TNPO3: variants seen among roughly 807,000 people sequenced by gnomAD.
TNPO3 encodes the protein transportin-3.
Under a neutral mutation model 122.8 loss-of-function variants are expected in TNPO3, and 65 were observed. That is an observed-to-expected ratio of 0.53 (90% CI 0.43 to 0.65). TNPO3 has a LOEUF of 0.65. Among genes scored for constraint, TNPO3 ranks in the 30% least tolerant of loss-of-function variants. The pLI, the probability that TNPO3 is intolerant of heterozygous loss-of-function variation, is 0.00. For synonymous variants in TNPO3, 372 were observed against 411.2 expected (o/e 0.90, Z 1.15); for missense variants, 850 against 1,136.7 (o/e 0.75, Z 3.63).
rs1804045636 is a variant in TNPO3, at chr7:129,018,059, G to A, written c.219C>T (p.Thr73=). The change falls in exon 2 of 23, where the codon ACC becomes ACT. Residue 73 remains threonine (T), a synonymous_variant. Coordinates refer to ENST00000265388, the MANE Select transcript of TNPO3 (RefSeq NM_012470.4). ...AGTCTGTGGGGAGCTCATAAAATGA[G>A]GTCTGAATCTTCATTTTCATGGTCT... ...AAQTMKMKIQ[T]SFYELPTDSH... The A allele has an allele frequency of 1.2e-6, 2 of 1,613,970 alleles. No homozygotes were observed. Among genetic ancestry groups the A allele is most frequent in the Non-Finnish European group, 1.7e-6 (2 of 1,179,988 alleles).
chr7:128,983,913 T>C (rs1799890208), intron 13 of TNPO3, among the ~76,000 whole-genome samples: 1 of 152,248 alleles, frequency 6.6e-6, no homozygotes, highest in South Asian at 2.1e-4. Context: ...TCACTCATAC[T>C]GGCTCAGGAC....
chr7:129,021,878 A>C (rs1183624046), intron 1 of TNPO3, among the ~76,000 whole-genome samples: 1 of 152,202 alleles, frequency 6.6e-6, no homozygotes, highest in East Asian at 1.9e-4. Context: ...AAAGACTAGG[A>C]GGAATTTCAC....
chr7:129,011,062 T>C (rs1803136852), intron 4 of TNPO3, among the ~76,000 whole-genome samples: 1 of 152,192 alleles, frequency 6.6e-6, no homozygotes, highest in Non-Finnish European at 1.5e-5. Context: ...ATATAACGAA[T>C]AGCTTTAGGC....
At chr7:129,000,272 A>T (rs1400110007) in intron 7 of TNPO3, among the ~76,000 whole-genome samples, 157 bp downstream of exon 7, 1 of 152,244 alleles carries the variant, frequency 6.6e-6, no homozygotes, top group Admixed American at 6.5e-5. Context: ...CCCAAATATA[A>T]TTTTTTTAAA....
intron 10 of TNPO3, among the ~76,000 whole-genome samples, chr7:128,991,215 A>G (rs139185698): frequency 3.6e-4 from 55 of 152,332 alleles, no homozygotes; most frequent in African/African-American, 1.3e-3. Flanking sequence ...AAATAAACCT[A>G]TTCGACCTCC....
At chr7:129,018,228 C>T (rs1563104480) in intron 1 of TNPO3, 71 bp from the exon 2 acceptor site, 23 of 1,441,214 alleles carry the variant, frequency 1.6e-5, no homozygotes, top group South Asian at 2.6e-5. Flanking sequence ...AACCTCAATA[C>T]TTATATAAAC....
At chr7:129,013,879 A>C (rs555373929) in intron 4 of TNPO3, among the ~76,000 whole-genome samples, 1 of 152,130 alleles carries the variant, frequency 6.6e-6, no homozygotes, top group Non-Finnish European at 1.5e-5. Context: ...AGAAAGACAA[A>C]TATCACATGC....
chr7:129,054,762 T>C lies in TNPO3; in HGVS notation c.9A>G (p.Gly3=). The change falls in exon 1 of 23, where the codon GGA becomes GGG. Residue 3 remains glycine (G), a synonymous_variant. Coordinates refer to ENST00000265388, the MANE Select transcript of TNPO3 (RefSeq NM_012470.4). ME[G]AKPTLQLVYQ... is the part of the protein sequence containing the mutation. ...ACACGAGCTGCAATGTCGGCTTTGC[T>C]CCTTCCATGGTGGTGGCGGTAGTGG... 6.2e-7 allele frequency: 1 copy of C among 1,614,104 alleles called. No homozygotes were observed. The highest frequency in any genetic ancestry group is 1.6e-4 in the Middle Eastern group (1 of 6,062).
chr7:129,011,587 C>T (rs1232825933), intron 4 of TNPO3, among the ~76,000 whole-genome samples: 1 of 152,146 alleles, frequency 6.6e-6, no homozygotes, highest in Admixed American at 6.5e-5. Context: ...TGTGATCTGC[C>T]AGCCTTGGCC....
intron 1 of TNPO3, among the ~76,000 whole-genome samples, chr7:129,018,625 T>C (rs996335906): frequency 6.6e-6 from 1 of 152,234 alleles, no homozygotes; most frequent in Admixed American, 6.5e-5. Flanking sequence ...ATACTTCATA[T>C]TGGTCTCAGT....
At chr7:129,036,979 G>A (rs1432736297) in intron 1 of TNPO3, among the ~76,000 whole-genome samples, 1 of 152,146 alleles carries the variant, frequency 6.6e-6, no homozygotes, top group Non-Finnish European at 1.5e-5. Flanking sequence ...TAAACAATGA[G>A]AAGAATGCAA....
chr7:128,988,870 G>C (rs1800453060), intron 11 of TNPO3, among the ~76,000 whole-genome samples: 1 of 152,182 alleles, frequency 6.6e-6, no homozygotes, highest in Non-Finnish European at 1.5e-5. Context: ...CTTGTGGTCA[G>C]GAGTTCGAGA....
chr7:128,958,609 A>C (rs1254305105), intron 21 of TNPO3, among the ~76,000 whole-genome samples: 1 of 152,200 alleles, frequency 6.6e-6, no homozygotes, highest in Non-Finnish European at 1.5e-5. Flanking sequence ...TCCAACAGAA[A>C]AGGTGAAAAT....
At chr7:129,027,247 C>T (rs1291589185) in intron 1 of TNPO3, among the ~76,000 whole-genome samples, 1 of 152,074 alleles carries the variant, frequency 6.6e-6, no homozygotes, top group Non-Finnish European at 1.5e-5. Flanking sequence ...GGTATTACAT[C>T]AATTCATAAA....
At chr7:128,961,172 TA>T (rs769498298) in intron 21 of TNPO3, among the ~76,000 whole-genome samples, 1 of 152,218 alleles carries the variant, frequency 6.6e-6, no homozygotes, top group Non-Finnish European at 1.5e-5. Flanking sequence ...CTAGGCCGCC[TA>T]TTCACTCACC....
chr7:128,973,523 TCA>T (rs1798700321), intron 18 of TNPO3, among the ~76,000 whole-genome samples: 2 of 149,754 alleles, frequency 1.3e-5, no homozygotes, highest in South Asian at 2.1e-4. Flanking sequence ...GATCACGAGG[TCA>T]GGAGATCGAG....
intron 16 of TNPO3, among the ~76,000 whole-genome samples, chr7:128,978,296 T>C (rs1296482462): frequency 6.6e-6 from 1 of 152,238 alleles, no homozygotes; most frequent in African/African-American, 2.4e-5. Context: ...GTCAAATTTA[T>C]TTTTTGACAA....
intron 8 of TNPO3, among the ~76,000 whole-genome samples, chr7:128,995,966 T>G (rs1801269400): frequency 6.6e-6 from 1 of 152,216 alleles, no homozygotes; most frequent in South Asian, 2.1e-4. Flanking sequence ...CCCAAAGTGC[T>G]GGGATTACAG....
chr7:129,051,145 TA>T (rs77733877), intron 1 of TNPO3, among the ~76,000 whole-genome samples: 54,318 of 147,422 alleles, frequency 0.37, 11,034 homozygotes, highest in Non-Finnish European at 0.45. Context: ...AACAAAATGT[TA>T]AAAAAAAAAA....
Sources: gnomAD v4.1 joint callset for allele counts (sites outside exome capture counted in the v4.1 genomes callset) on GRCh38, gnomAD v4.1.1 for gene constraint, MANE v1.5 for transcripts, NCBI Gene and HGNC (gene_info 2026-07-23, HGNC 2026-07-21) for gene names.